Variants in PPP1R36 observed in about 807,000 individuals in gnomAD.
The protein encoded by PPP1R36 is chromosome 14 open reading frame 50.
Under a neutral mutation model 53.4 loss-of-function variants are expected in PPP1R36, and 47 were observed. That is an observed-to-expected ratio of 0.88 (90% CI 0.70 to 1.12). The LOEUF (loss-of-function observed/expected upper bound fraction) is 1.12, where lower values mean the gene tolerates loss of function less well. PPP1R36 is among the 50% of genes most tolerant of loss of function. The pLI is 0.00. For synonymous variants in PPP1R36, 153 were observed against 170.5 expected, an observed-to-expected ratio of 0.90 and a Z score of 0.80; for missense variants, 456 against 513.9, an observed-to-expected ratio of 0.89 and a Z score of 1.09.
Position 64,550,024 on chromosome 14 carries a change from G to A in PPP1R36, c.27G>A (p.Ala9=), listed in dbSNP as rs1389719575. MYRVPEFY[A]RRKRLGGQTP... ...TGTACCGGGTGCCCGAGTTTTATGCGAGGAGGAAGCGGTTAGGTGGGCAGA... is the reference window on the plus strand; with the variant it reads ...TGTACCGGGTGCCCGAGTTTTATGCAAGGAGGAAGCGGTTAGGTGGGCAGA... Residue 9 remains alanine, a synonymous_variant, in exon 1 of 12, where the codon GCG becomes GCA. Transcript: ENST00000298705. The A allele has an allele frequency of 3.2e-6, 5 of 1,574,772 alleles. No individual in the cohort carries two copies. In the South Asian group the frequency reaches 4.7e-5, roughly 15 times the overall value.
chr14:64,556,852 T>C (rs10132033), intron 3 of PPP1R36, among the ~76,000 whole-genome samples: 25,166 of 151,472 alleles, frequency 0.17, 2,439 homozygotes, highest in Non-Finnish European at 0.22. Context: ...TCTCACTTTG[T>C]CACCTAGGCT....
At chr14:64,583,811 CAAAAAAA>C (rs529491293) in intron 8 of PPP1R36, among the ~76,000 whole-genome samples, 10 of 30,050 alleles carry the variant, frequency 3.3e-4, no homozygotes, top group African/African-American at 3.7e-4. Flanking sequence ...AACTCCATCT[CAAAAAAA>C]AAAAAAAAAA....
In PPP1R36 at chr14:64,587,212, A is replaced by G. The variant is rs751056715; in HGVS notation, c.730A>G (p.Thr244Ala). 4.3e-6 allele frequency: 7 copies of G among 1,609,434 alleles called. No individual in the cohort carries two copies. The highest frequency in any genetic ancestry group is 1.1e-5 in the South Asian group (1 of 89,994). ...KFFESFYTFC[T>A]YVAWIVFRRQ... ...GTTGTAGTCCTTTTATACTTTCTGT[A>G]CATATGTGGCTTGGATTGTCTTCCG... The change falls in exon 10 of 12, where the codon ACA becomes GCA. Residue 244 changes from threonine (T) to alanine (A), a missense_variant. Physicochemically the swap from Thr to Ala is moderately conservative, Grantham distance 58. Transcript: ENST00000298705.
intron 11 of PPP1R36, 193 bp downstream of exon 11, chr14:64,588,488 A>G: frequency 2.2e-6 from 1 of 456,712 alleles, no homozygotes; most frequent in Non-Finnish European, 3.8e-6. Context: ...CATCTAGACC[A>G]GAAAAACAAT....
chr14:64,554,227 C>T (rs903118206), intron 3 of PPP1R36, among the ~76,000 whole-genome samples: 3 of 144,934 alleles, frequency 2.1e-5, no homozygotes, highest in Admixed American at 7.0e-5. Flanking sequence ...TCCTGGCTCA[C>T]GGCAACCTCC....
intron 3 of PPP1R36, among the ~76,000 whole-genome samples, chr14:64,554,920 C>G (rs1203480178): frequency 1.3e-5 from 2 of 151,918 alleles, no homozygotes; most frequent in Non-Finnish European, 2.9e-5. Context: ...GGTTAAGAAT[C>G]CAGTAGGCAG....
intron 8 of PPP1R36, among the ~76,000 whole-genome samples, chr14:64,579,586 T>G (rs1325957549): frequency 6.6e-6 from 1 of 152,218 alleles, no homozygotes; most frequent in Non-Finnish European, 1.5e-5. Context: ...TCCTACTCAA[T>G]CATTTATAAC....
chr14:64,589,046 G>GTACA lies in PPP1R36; in HGVS notation c.1083-101_1083-98dup. 3 of 755,714 alleles carry GTACA rather than the reference G, an allele frequency of 4.0e-6. No homozygotes were observed. In the South Asian group the frequency reaches 5.7e-5, roughly 14 times the overall value. The allele number at this position is 755,714 out of a possible 1,614,324, so 46.8% of individuals were successfully genotyped here. ...AGAAAGAGTATATCTTAGCTTTAGT[G>GTACA]TACATACACACACACATACATACAC... On this transcript the variant is annotated intron_variant, in intron 11 of 11. Transcript: ENST00000298705.
intron 8 of PPP1R36, 55 bp from the exon 9 acceptor site, chr14:64,586,782 C>T: frequency 8.0e-7 from 1 of 1,244,206 alleles, no homozygotes; most frequent in East Asian, 2.3e-5. Context: ...AGGACTAGTA[C>T]CCTGAAAGAT....
Position 64,586,880 on chromosome 14 carries a change from G to A in PPP1R36, c.711+1G>A. The A allele has an allele frequency of 1.2e-6, 2 of 1,611,236 alleles. No homozygotes were observed. The highest frequency in any genetic ancestry group is 1.7e-6 in the Non-Finnish European group (2 of 1,177,662). On this transcript the variant is annotated splice_donor_variant, in intron 9 of 11. Transcript: ENST00000298705. LOFTEE classifies it high-confidence loss of function. The stretch of plus-strand genomic sequence containing the variant: ...ACAGAAAGACTGGAAGTTCTTTGAG[G>A]TGAGTCACTTATGTTTTGGTGCTTT...
At chr14:64,577,901 A>G (rs2080356421) in intron 8 of PPP1R36, among the ~76,000 whole-genome samples, 3 of 150,954 alleles carry the variant, frequency 2.0e-5, no homozygotes, top group Admixed American at 2.0e-4. Flanking sequence ...AATTTTTTGT[A>G]TTTTTAGTAG....
chr14:64,564,706 C>T (rs751379439), intron 3 of PPP1R36, 45 bp from the exon 4 acceptor site: 89 of 1,324,484 alleles, frequency 6.7e-5, no homozygotes, highest in Non-Finnish European at 8.9e-5. Flanking sequence ...GACTTGTTTT[C>T]CCCTGGAAAA....
chr14:64,570,808 T>A (rs8017407), intron 7 of PPP1R36, among the ~76,000 whole-genome samples: 118,817 of 152,134 alleles, frequency 0.78, 46,750 homozygotes, highest in East Asian at 0.87. Flanking sequence ...GTACACTTAA[T>A]TGATGTCAGG....
chr14:64,588,236 C>T lies in PPP1R36; in HGVS notation c.1023C>T (p.Val341=), dbSNP rs201488588. 6.2e-7 allele frequency: 1 copy of T among 1,614,102 alleles called. No individual in the cohort carries two copies. Among genetic ancestry groups the T allele is most frequent in the African/African-American group, 1.3e-5 (1 of 75,066 alleles). Residue 341 remains valine, a synonymous_variant, in exon 11 of 12, where the codon GTC becomes GTT. Coordinates refer to ENST00000298705, the MANE Select transcript of PPP1R36 (RefSeq NM_172365.3). ...VFEKKYHQVD[V]RFPAEMQKHV... ...AGAAAAAGTATCATCAAGTAGACGT[C>T]AGATTCCCAGCCGAGATGCAAAAGC...
chr14:64,551,485 A>C (rs2080093378), intron 2 of PPP1R36: 1 of 337,042 alleles, frequency 3.0e-6, no homozygotes, highest in Non-Finnish European at 5.9e-6. Context: ...TCTAATCTCT[A>C]TGAAAAAAGA....
At position 64,568,367 on chromosome 14, in the gene PPP1R36, T is replaced by G. The variant is rs1371763131; in HGVS notation, c.453T>G (p.Asn151Lys). Residue 151 changes from asparagine (N) to lysine (K), a missense_variant, in exon 7 of 12, where the codon AAT becomes AAG. By Grantham distance (94) the Asn-to-Lys change is moderately conservative (BLOSUM62 0). Coordinates refer to ENST00000298705, the MANE Select transcript of PPP1R36 (RefSeq NM_172365.3). ...CCCATAGGAATAAGAATCTTGATAA[T>G]TTCCTCATGGCATTATTGTACTACT... ...TTFMRNKNLDNFLMALLYYLS... is the reference protein window; with the variant it reads ...TTFMRNKNLDKFLMALLYYLS... 2 of 1,519,724 alleles carry G rather than the reference T, an allele frequency of 1.3e-6. No individual in the cohort carries two copies. Among genetic ancestry groups the G allele is most frequent in the Non-Finnish European group, 1.8e-6 (2 of 1,118,832 alleles). The allele number at this position is 1,519,724 out of a possible 1,614,324, so 94.1% of individuals were successfully genotyped here.
At position 64,574,462 on chromosome 14, in the gene PPP1R36, G is replaced by C. The variant is rs200560352; in HGVS notation, c.541G>C (p.Val181Leu). ...TTTTGTCCTCCCCATCAGAGGCCTT[G>C]TAGAGAAAAAAGAAATGGAATTGGT... The part of the protein sequence containing the change: ...KKPKSYMVGL[V>L]EKKEMELVLS... The change falls in exon 8 of 12, where the codon GTA becomes CTA. Residue 181 changes from valine (V) to leucine (L), a missense_variant. Coordinates refer to ENST00000298705, the MANE Select transcript of PPP1R36 (RefSeq NM_172365.3). 1.2e-4 allele frequency: 195 copies of C among 1,612,748 alleles called. 1 individual carries two copies. In the East Asian group the frequency reaches 4.2e-3, roughly 35 times the overall value.
intron 11 of PPP1R36, 90 bp from the exon 12 acceptor site, chr14:64,589,062 A>G: frequency 1.1e-6 from 1 of 913,952 alleles, no homozygotes; most frequent in Non-Finnish European, 1.7e-6. Context: ...ACACACACAC[A>G]TACATACACA....
chr14:64,587,447 C>CCT, intron 10 of PPP1R36, 75 bp downstream of exon 10: 1 of 321,764 alleles, frequency 3.1e-6, no homozygotes, highest in African/African-American at 3.3e-5. Flanking sequence ...TCTTTTTTCT[C>CCT]CTTTTTTTTT....
Sources: gnomAD v4.1 joint callset for allele counts (sites outside exome capture counted in the v4.1 genomes callset) on GRCh38, gnomAD v4.1.1 for gene constraint, MANE v1.5 for transcripts, NCBI Gene and HGNC (gene_info 2026-07-23, HGNC 2026-07-21) for gene names.